The following SMCHD1 variants were observed in gnomAD, a reference collection of about 807,000 sequenced individuals.
SMCHD1 encodes structural maintenance of chromosomes flexible hinge domain-containing protein 1.
A neutral mutation model predicts 254.7 loss-of-function variants in SMCHD1; 78 were observed. The observed-to-expected ratio is 0.31, with a 90% CI of 0.26 to 0.37. The LOEUF (loss-of-function observed/expected upper bound fraction) is 0.37. Among genes scored for constraint, SMCHD1 ranks in the 10% least tolerant of loss-of-function variants. The pLI is 1.00. For synonymous variants in SMCHD1, 766 were observed against 794.9 expected, an observed-to-expected ratio of 0.96 and a Z score of 0.61; for missense variants, 1,840 against 2,408.1, an observed-to-expected ratio of 0.76 and a Z score of 4.94.
intron 10 of SMCHD1, among the ~76,000 whole-genome samples, chr18:2,698,567 C>G (rs969303882): frequency 6.6e-6 from 1 of 151,890 alleles, no homozygotes; most frequent in Non-Finnish European, 1.5e-5. Context: ...GGGGTCTTGC[C>G]GTGTTGCCCA....
At position 2,803,232 on chromosome 18, in the gene SMCHD1, A is replaced by C. The variant is rs1219714658; in HGVS notation, c.*680A>C. 1 of 147,914 alleles carries C rather than the reference A, an allele frequency of 6.8e-6. No individual in the cohort carries two copies. The highest frequency in any genetic ancestry group is 6.8e-5 in the Admixed American group (1 of 14,740). The allele number at this position is 147,914 out of a possible 1,614,324, so 9.2% of individuals were successfully genotyped here. A position where few individuals can be genotyped will look rare whatever the true frequency, so the allele number is the denominator to read the frequency against. On this transcript the variant is annotated 3_prime_UTR_variant, in exon 48 of 48. Transcript: ENST00000320876. ...TATATATATATAAATATATATATAT[A>C]AAATATTCAGCAGCACCAAGTTTTA...
intron 17 of SMCHD1, among the ~76,000 whole-genome samples, chr18:2,714,127 T>C (rs567775055): frequency 1.5e-3 from 235 of 152,348 alleles, no homozygotes; most frequent in African/African-American, 5.5e-3. Flanking sequence ...TTGCTTTCTA[T>C]GTCTTCTTAG....
intron 7 of SMCHD1, among the ~76,000 whole-genome samples, chr18:2,690,023 A>C (rs561942471): frequency 2.1e-4 from 32 of 152,214 alleles, no homozygotes; most frequent in Admixed American, 7.8e-4. Context: ...AAAAACAATA[A>C]AAAATTTTTA....
intron 5 of SMCHD1, among the ~76,000 whole-genome samples, chr18:2,679,201 C>T (rs1207599682): frequency 1.4e-5 from 2 of 147,400 alleles, no homozygotes; most frequent in African/African-American, 2.5e-5. Flanking sequence ...TTGGTTGGGC[C>T]GGGCGCAGTG....
rs147098560 is a variant in SMCHD1 at position 2,657,920 on chromosome 18, C to CTA, written c.186+1660_186+1661dup. On this transcript the variant is annotated intron_variant, in intron 1 of 47. Coordinates refer to ENST00000320876, the MANE Select transcript of SMCHD1 (RefSeq NM_015295.3). ...ACCTCAGCCTCCCAAGTAGCCAGGA[C>CTA]TACAGGTGAGCGCCACCATGCCCAG... Among the ~76,000 whole-genome samples the CTA allele has an allele frequency of 7.5e-3, 1,143 of 151,580 alleles. 7 individuals carry two copies. The highest frequency in any genetic ancestry group is 0.012 in the Admixed American group (189 of 15,220).
intron 39 of SMCHD1, among the ~76,000 whole-genome samples, chr18:2,770,373 C>T (rs977639586): frequency 4.6e-5 from 7 of 152,152 alleles, no homozygotes; most frequent in Admixed American, 4.6e-4. Context: ...AGGCTTTCTA[C>T]ATAATAATAA....
chr18:2,750,003 G>A, intron 30 of SMCHD1, 40 bp from the exon 31 acceptor site: 1 of 1,505,960 alleles, frequency 6.6e-7, no homozygotes, highest in South Asian at 1.2e-5. Context: ...TTGATCTCTA[G>A]AATTTTCTAA....
intron 22 of SMCHD1, among the ~76,000 whole-genome samples, chr18:2,727,903 T>A (rs915181901): frequency 6.6e-6 from 1 of 152,058 alleles, no homozygotes; most frequent in South Asian, 2.1e-4. Flanking sequence ...TATCAGTGTT[T>A]ATGAACGAAT....
chr18:2,777,106 C>T (rs1015545377), intron 42 of SMCHD1, among the ~76,000 whole-genome samples: 3 of 144,364 alleles, frequency 2.1e-5, no homozygotes, highest in African/African-American at 7.6e-5. Context: ...GAATTTTTTT[C>T]TCCAGGAGGG....
chr18:2,780,817 A>G (rs1345113370), intron 44 of SMCHD1, among the ~76,000 whole-genome samples: 3 of 152,216 alleles, frequency 2.0e-5, no homozygotes, highest in Non-Finnish European at 4.4e-5. Flanking sequence ...GACCCAGTAC[A>G]AGCTGGTTCC....
chr18:2,789,676 A>G (rs1304515019), intron 45 of SMCHD1, among the ~76,000 whole-genome samples: 2 of 152,252 alleles, frequency 1.3e-5, no homozygotes, highest in Non-Finnish European at 2.9e-5. Context: ...TAAGTTGAGA[A>G]TATCATAAGT....
chr18:2,759,268 C>A (rs1345129480), intron 34 of SMCHD1, among the ~76,000 whole-genome samples: 8 of 152,012 alleles, frequency 5.3e-5, no homozygotes, highest in African/African-American at 1.9e-4. Context: ...TGGGCTGCTA[C>A]CCATCTATTA....
chr18:2,769,854 T>G (rs1243561785), intron 38 of SMCHD1, 34 bp downstream of exon 38: 1 of 1,579,810 alleles, frequency 6.3e-7, no homozygotes. Flanking sequence ...TTAAACTCCG[T>G]TGTTAGTGAT....
At chr18:2,712,668 A>G (rs1158601584) in intron 17 of SMCHD1, among the ~76,000 whole-genome samples, 3 of 152,334 alleles carry the variant, frequency 2.0e-5, no homozygotes, top group African/African-American at 4.8e-5. Context: ...CGTTCTGCCC[A>G]TTCAAGTCCG....
intron 28 of SMCHD1, 52 bp downstream of exon 28, chr18:2,740,873 G>A: frequency 2.0e-6 from 2 of 1,003,534 alleles, no homozygotes; most frequent in Admixed American, 2.7e-5. Context: ...TGTTATATGT[G>A]TAACAAAAAG....
At chr18:2,732,163 A>G in intron 24 of SMCHD1, 102 bp from the exon 25 acceptor site, 1 of 813,708 alleles carries the variant, frequency 1.2e-6, no homozygotes, top group Non-Finnish European at 2.0e-6. Context: ...TGAGTATAAC[A>G]ATGTATGAGA....
At chr18:2,658,815 T>C (rs556134247) in intron 1 of SMCHD1, among the ~76,000 whole-genome samples, 20 of 151,562 alleles carry the variant, frequency 1.3e-4, no homozygotes, top group African/African-American at 4.3e-4. Context: ...TGTATACATA[T>C]ACATATATAT....
intron 7 of SMCHD1, among the ~76,000 whole-genome samples, chr18:2,689,548 TTAA>T (rs902062794): frequency 6.6e-6 from 1 of 151,882 alleles, no homozygotes; most frequent in Non-Finnish European, 1.5e-5. Context: ...TCTAAAATCT[TTAA>T]TATATAAGTT....
rs1302645678 is a variant in SMCHD1, at chr18:2,777,913, C to T, written c.5474C>T (p.Thr1825Ile). Residue 1825 changes from threonine (T) to isoleucine (I), a missense_variant and splice_region_variant, in exon 43 of 48, where the codon ACA becomes ATA. By Grantham distance (89) the Thr-to-Ile change is moderately conservative. This residue lies in a region of SMCHD1 where 114 missense variants were observed against 217.6 expected (regional missense o/e 0.52). Transcript: ENST00000320876. Reference sequence around the variant, plus strand: ...CCAGATAATGTAGAACATTGTGAAACAGGTAAAAGACATTATGGTGACTTT... The same window carrying T: ...CCAGATAATGTAGAACATTGTGAAATAGGTAAAAGACATTATGGTGACTTT... ...TFPDNVEHCE[T>I]VFGMLLGDTI... 6.6e-7 allele frequency: 1 copy of T among 1,522,176 alleles called. No individual in the cohort carries two copies. The highest frequency in any genetic ancestry group is 8.9e-7 in the Non-Finnish European group (1 of 1,125,608). 94.3% of individuals were successfully genotyped at this position (1,522,176 alleles called of 1,614,324 possible). A position where few individuals can be genotyped will look rare whatever the true frequency, so the allele number is the denominator to read the frequency against.
Sources: allele counts gnomAD v4.1 joint callset (sites outside exome capture counted in the v4.1 genomes callset), GRCh38; gene constraint gnomAD v4.1.1; regional missense constraint gnomAD v4.1.1; transcripts MANE v1.5; gene names NCBI Gene and HGNC (gene_info 2026-07-23, HGNC 2026-07-21).